The following CBFA2T2 variants were observed in gnomAD, a reference collection of about 807,000 sequenced individuals.
CBFA2T2 encodes the protein CBFA2/RUNX1 partner transcriptional co-repressor 2.
Under a neutral mutation model 62.2 loss-of-function variants are expected in CBFA2T2, and 11 were observed. That is an observed-to-expected ratio of 0.18 (90% CI 0.11 to 0.29). The LOEUF (loss-of-function observed/expected upper bound fraction) is 0.29. CBFA2T2 is among the 10% of genes least tolerant of loss of function. The pLI is 1.00. For missense variants in CBFA2T2, 592 were observed against 774.1 expected (o/e 0.76, Z 2.79); for synonymous variants, 295 against 287.5 (o/e 1.03, Z -0.27).
At chr20:33,576,061 A>G (rs1310318808) in intron 1 of CBFA2T2, among the ~76,000 whole-genome samples, 3 of 152,070 alleles carry the variant, frequency 2.0e-5, no homozygotes, top group Non-Finnish European at 4.4e-5. Flanking sequence ...TGTTGGGATT[A>G]CAGGCGTGAG....
At position 33,648,478 on chromosome 20, in the gene CBFA2T2, C is replaced by T. The variant is rs1327721156; in HGVS notation, c.*3832C>T. The T allele has an allele frequency of 6.6e-6, 1 of 152,232 alleles. No individual in the cohort carries two copies. 9.4% of individuals were successfully genotyped at this position (152,232 alleles called of 1,614,324 possible). A position where few individuals can be genotyped will look rare whatever the true frequency, so the allele number is the denominator to read the frequency against. On this transcript the variant is annotated 3_prime_UTR_variant, in exon 11 of 11. Transcript: ENST00000342704. ...CCACTTGCCTGCACCGTGCCTGACTCATCCAGTGGGGAAGGTGACTCAAGA... is the reference window on the plus strand; with the variant it reads ...CCACTTGCCTGCACCGTGCCTGACTTATCCAGTGGGGAAGGTGACTCAAGA...
intron 1 of CBFA2T2, among the ~76,000 whole-genome samples, chr20:33,560,620 A>G (rs543805852): frequency 6.6e-6 from 1 of 152,316 alleles, no homozygotes; most frequent in East Asian, 1.9e-4. Flanking sequence ...CCTTGACAGA[A>G]ATAGCCTTCC....
At chr20:33,561,642 T>A (rs368539870) in intron 1 of CBFA2T2, among the ~76,000 whole-genome samples, 11 of 152,232 alleles carry the variant, frequency 7.2e-5, no homozygotes, top group South Asian at 4.1e-4. Context: ...GGATTTTCAT[T>A]GTTATTGTTC....
chr20:33,547,981 T>G (rs1192158278), intron 1 of CBFA2T2, among the ~76,000 whole-genome samples: 2 of 152,120 alleles, frequency 1.3e-5, no homozygotes, highest in Non-Finnish European at 2.9e-5. Context: ...CTTGCTGTAT[T>G]GCAGGTTTTG....
At chr20:33,579,126 T>C (rs1165030385) in intron 1 of CBFA2T2, among the ~76,000 whole-genome samples, 1 of 151,450 alleles carries the variant, frequency 6.6e-6, no homozygotes, top group Non-Finnish European at 1.5e-5. Context: ...TTTTTTTTTT[T>C]TTTTAAGGAA....
chr20:33,616,602 C>T (rs572641171), intron 3 of CBFA2T2, among the ~76,000 whole-genome samples: 41 of 152,064 alleles, frequency 2.7e-4, no homozygotes, highest in African/African-American at 9.6e-4. Context: ...CAGTGCACAC[C>T]TGTAATCCCA....
intron 1 of CBFA2T2, among the ~76,000 whole-genome samples, chr20:33,547,687 ATGTGTGTGTGTGTGTGTGTG>A (rs60988030): frequency 1.4e-3 from 197 of 139,180 alleles, no homozygotes; most frequent in African/African-American, 5.1e-3. Context: ...TCTCAAAAAA[ATGTGTGTGTGTGTGTGTGTG>A]TGTGTGTGTG....
At chr20:33,618,434 T>C (rs2015794569) in intron 3 of CBFA2T2, 1 of 152,218 alleles carries the variant, frequency 6.6e-6, no homozygotes. Context: ...TTTTTATTTG[T>C]TCATTCCCCT....
intron 1 of CBFA2T2, among the ~76,000 whole-genome samples, chr20:33,554,255 C>CTTTTTTT (rs760696196): frequency 1.2e-4 from 16 of 131,970 alleles, no homozygotes; most frequent in Non-Finnish European, 1.3e-4. Context: ...TTACTTTTTT[C>CTTTTTTT]TTTTTTTTTT....
chr20:33,504,203 T>A (rs1207863652), intron 1 of CBFA2T2, among the ~76,000 whole-genome samples: 2 of 152,158 alleles, frequency 1.3e-5, no homozygotes, highest in African/African-American at 4.8e-5. Flanking sequence ...GTCATGTATC[T>A]ATAGGTTGTT....
chr20:33,621,831 G>A (rs543412699), intron 4 of CBFA2T2, among the ~76,000 whole-genome samples: 2 of 152,152 alleles, frequency 1.3e-5, no homozygotes, highest in South Asian at 2.1e-4. Context: ...ATCATGGCTC[G>A]GTTCTAATGG....
At chr20:33,587,121 T>A (rs948519999) in intron 1 of CBFA2T2, among the ~76,000 whole-genome samples, 2 of 151,996 alleles carry the variant, frequency 1.3e-5, no homozygotes, top group Non-Finnish European at 2.9e-5. Context: ...CGATGGCATC[T>A]TTTTTAGAGA....
chr20:33,519,885 G>A (rs2011683370), intron 1 of CBFA2T2, among the ~76,000 whole-genome samples: 1 of 152,192 alleles, frequency 6.6e-6, no homozygotes, highest in East Asian at 1.9e-4. Flanking sequence ...GGTGGCTCAC[G>A]CCTGTAATAC....
chr20:33,631,524 C>T (rs1002752604), intron 8 of CBFA2T2, among the ~76,000 whole-genome samples: 47 of 151,978 alleles, frequency 3.1e-4, no homozygotes, highest in Non-Finnish European at 2.5e-4. Flanking sequence ...GAGCTGCAGT[C>T]GTGAGCCAGT....
intron 1 of CBFA2T2, among the ~76,000 whole-genome samples, chr20:33,528,707 T>C (rs1482608415): frequency 6.6e-6 from 1 of 152,020 alleles, no homozygotes; most frequent in African/African-American, 2.4e-5. Context: ...TGTGTGTGTG[T>C]GTGCGTGTGT....
chr20:33,584,456 C>T (rs538447861), intron 1 of CBFA2T2, among the ~76,000 whole-genome samples: 27 of 151,646 alleles, frequency 1.8e-4, no homozygotes, highest in Middle Eastern at 6.8e-3. Context: ...GGGGTTTCAC[C>T]ATGTGTTTGC....
At chr20:33,636,965 G>T (rs2122378433) in intron 9 of CBFA2T2, among the ~76,000 whole-genome samples, 1 of 152,284 alleles carries the variant, frequency 6.6e-6, no homozygotes, top group Non-Finnish European at 1.5e-5. Flanking sequence ...TCACGCTGAG[G>T]CAATAAGTAC....
At chr20:33,492,673 G>A (rs758675114) in intron 1 of CBFA2T2, among the ~76,000 whole-genome samples, 4 of 151,612 alleles carry the variant, frequency 2.6e-5, no homozygotes, top group Non-Finnish European at 5.9e-5. Context: ...ACCACACCCA[G>A]CTAATTTTTT....
intron 1 of CBFA2T2, among the ~76,000 whole-genome samples, chr20:33,500,861 C>T (rs893178075): frequency 1.1e-4 from 17 of 152,152 alleles, no homozygotes; most frequent in Non-Finnish European, 2.4e-4. Context: ...TGTCAGCAGT[C>T]TTTAACAATT....
Sources: gnomAD v4.1 joint callset for allele counts (sites outside exome capture counted in the v4.1 genomes callset) on GRCh38, gnomAD v4.1.1 for gene constraint, MANE v1.5 for transcripts, NCBI Gene and HGNC (gene_info 2026-07-23, HGNC 2026-07-21) for gene names.